The following MIPEP variants were observed in gnomAD, a reference collection of about 807,000 sequenced individuals.
MIPEP encodes the protein mitochondrial intermediate peptidase.
A neutral mutation model predicts 90.3 loss-of-function variants in MIPEP; 79 were observed. That is an observed-to-expected ratio of 0.87 (90% CI 0.73 to 1.05). The LOEUF is 1.05. MIPEP is among the 50% of genes least tolerant of loss of function. The pLI, the probability that MIPEP is intolerant of heterozygous loss-of-function variation, is 0.00. For synonymous variants in MIPEP, 334 were observed against 315.8 expected (o/e 1.06, Z -0.61); for missense variants, 940 against 905.6 (o/e 1.04, Z -0.49).
intron 10 of MIPEP, 35 bp from the exon 11 acceptor site, chr13:23,841,523 G>C: frequency 1.3e-6 from 2 of 1,551,452 alleles, no homozygotes; most frequent in Non-Finnish European, 1.7e-6. Context: ...CAGCATCTTT[G>C]TTTATTTCAA....
At chr13:23,775,909 A>G (rs141320461) in intron 16 of MIPEP, among the ~76,000 whole-genome samples, 1 of 152,296 alleles carries the variant, frequency 6.6e-6, no homozygotes. Flanking sequence ...TATTTAAAAG[A>G]ATTTTTTTTG....
At chr13:23,855,804 T>C (rs77264188) in intron 10 of MIPEP, among the ~76,000 whole-genome samples, 107 of 152,300 alleles carry the variant, frequency 7.0e-4, no homozygotes, top group Middle Eastern at 3.4e-3. Flanking sequence ...ATAAATAAAT[T>C]AGTATTAAAA....
chr13:23,779,247 T>C (rs908029632), intron 16 of MIPEP, among the ~76,000 whole-genome samples: 1 of 152,186 alleles, frequency 6.6e-6, no homozygotes, highest in African/African-American at 2.4e-5. Context: ...AAAAATGTTA[T>C]TTACAAATGT....
intron 10 of MIPEP, among the ~76,000 whole-genome samples, chr13:23,845,656 C>T (rs746718470): frequency 6.6e-6 from 1 of 152,152 alleles, no homozygotes; most frequent in Non-Finnish European, 1.5e-5. Flanking sequence ...GCAAAGAGTA[C>T]AAGATCTTAA....
intron 14 of MIPEP, among the ~76,000 whole-genome samples, chr13:23,834,077 G>T (rs1000897255): frequency 6.6e-6 from 1 of 152,016 alleles, no homozygotes; most frequent in African/African-American, 2.4e-5. Flanking sequence ...TTGCTGGGTC[G>T]CCAGAGCTGA....
At chr13:23,782,171 C>G (rs939308370) in intron 16 of MIPEP, among the ~76,000 whole-genome samples, 2 of 152,068 alleles carry the variant, frequency 1.3e-5, no homozygotes, top group African/African-American at 4.8e-5. Context: ...AGCACCACAT[C>G]ACACTTATTC....
chr13:23,880,142 A>C (rs1871218101), intron 3 of MIPEP, among the ~76,000 whole-genome samples: 1 of 152,136 alleles, frequency 6.6e-6, no homozygotes, highest in Admixed American at 6.5e-5. Context: ...CCTGTTCCTC[A>C]GTTGGTTCAC....
intron 18 of MIPEP, among the ~76,000 whole-genome samples, chr13:23,752,242 T>C (rs1593132950): frequency 6.6e-6 from 1 of 152,190 alleles, no homozygotes; most frequent in Non-Finnish European, 1.5e-5. Context: ...CCAAATAGTT[T>C]ACAGAGGGCA....
intron 16 of MIPEP, among the ~76,000 whole-genome samples, chr13:23,773,977 G>A (rs1312408185): frequency 2.0e-5 from 3 of 152,188 alleles, no homozygotes; most frequent in Non-Finnish European, 4.4e-5. Context: ...TTTAGGTGAT[G>A]TATCTAAGAA....
At chr13:23,816,509 A>T (rs1033006197) in intron 14 of MIPEP, among the ~76,000 whole-genome samples, 3 of 145,704 alleles carry the variant, frequency 2.1e-5, no homozygotes, top group African/African-American at 7.9e-5. Context: ...TATTACCTAC[A>T]TTTGCATTTG....
intron 16 of MIPEP, among the ~76,000 whole-genome samples, chr13:23,788,939 T>C (rs1329108097): frequency 6.6e-6 from 1 of 152,222 alleles, no homozygotes; most frequent in Non-Finnish European, 1.5e-5. Context: ...GCCTCCCAAG[T>C]AGCTGGGACT....
intron 18 of MIPEP, among the ~76,000 whole-genome samples, chr13:23,746,312 C>A (rs1952382916): frequency 6.6e-6 from 1 of 151,750 alleles, no homozygotes; most frequent in Non-Finnish European, 1.5e-5. Flanking sequence ...TGGCACCAGG[C>A]CAGAACAGTT....
chr13:23,802,429 A>G (rs1387814946), intron 16 of MIPEP, among the ~76,000 whole-genome samples: 2 of 151,980 alleles, frequency 1.3e-5, no homozygotes, highest in African/African-American at 4.8e-5. Flanking sequence ...TTAGGCAGGT[A>G]TGGTGGCAGG....
intron 16 of MIPEP, among the ~76,000 whole-genome samples, chr13:23,798,790 G>A (rs1321909634): frequency 6.6e-6 from 1 of 152,050 alleles, no homozygotes; most frequent in African/African-American, 2.4e-5. Context: ...CTTCTGCCAT[G>A]AGTGTAAACT....
At chr13:23,837,893 T>C (rs1869127976) in intron 12 of MIPEP, 137 bp from the exon 13 acceptor site, 1 of 624,576 alleles carries the variant, frequency 1.6e-6, no homozygotes. Flanking sequence ...ATTCTATCTA[T>C]TTACATATAT....
At chr13:23,820,806 G>T (rs912601685) in intron 14 of MIPEP, among the ~76,000 whole-genome samples, 4 of 152,332 alleles carry the variant, frequency 2.6e-5, no homozygotes, top group African/African-American at 9.6e-5. Flanking sequence ...AATGAAAGTT[G>T]ATGGAGCTCA....
intron 18 of MIPEP, among the ~76,000 whole-genome samples, chr13:23,743,372 T>C (rs1028324495): frequency 3.3e-5 from 5 of 152,250 alleles, no homozygotes; most frequent in African/African-American, 1.2e-4. Context: ...ATCTTGACTT[T>C]GAAGTTTTTC....
At chr13:23,816,832 A>C (rs1480493784) in intron 14 of MIPEP, among the ~76,000 whole-genome samples, 1 of 152,200 alleles carries the variant, frequency 6.6e-6, no homozygotes, top group African/African-American at 2.4e-5. Context: ...ATGGCCTACA[A>C]GTGAATGCAA....
intron 3 of MIPEP, 107 bp downstream of exon 3, chr13:23,881,592 T>A: frequency 1.1e-6 from 1 of 939,340 alleles, no homozygotes; most frequent in Non-Finnish European, 1.7e-6. Flanking sequence ...CCTCCCACCC[T>A]GCTGGGTGAG....
Sources: gnomAD v4.1 joint callset for allele counts (sites outside exome capture counted in the v4.1 genomes callset) on GRCh38, gnomAD v4.1.1 for gene constraint, MANE v1.5 for transcripts, NCBI Gene and HGNC (gene_info 2026-07-23, HGNC 2026-07-21) for gene names.